TEX10: variants seen among roughly 807,000 people sequenced by gnomAD.
The protein encoded by TEX10 is testis-expressed protein 10.
A neutral mutation model predicts 104.4 loss-of-function variants in TEX10; 24 were observed. That is an observed-to-expected ratio of 0.23 (90% CI 0.17 to 0.32). The LOEUF (loss-of-function observed/expected upper bound fraction) is 0.32. TEX10 is among the 10% of genes least tolerant of loss of function. The probability of loss-of-function intolerance (pLI) is 1.00; values close to 1 mark genes in which losing one functional copy is unlikely to be tolerated. For missense variants in TEX10, 921 were observed against 1,083.9 expected (o/e 0.85, Z 2.11); for synonymous variants, 396 against 393.4 (o/e 1.01, Z -0.08).
intron 1 of TEX10, 91 bp from the exon 2 acceptor site, chr9:100,349,463 T>A (rs1161514270): frequency 1.4e-6 from 1 of 719,072 alleles, no homozygotes; most frequent in East Asian, 3.1e-5. Flanking sequence ...ACTGTAACAT[T>A]TATTTCAATC....
chr9:100,314,196 T>G (rs1486479081), intron 11 of TEX10, among the ~76,000 whole-genome samples: 5 of 151,432 alleles, frequency 3.3e-5, no homozygotes, highest in African/African-American at 1.2e-4. Context: ...TAAGCAATTC[T>G]CCTGCCTCAG....
intron 11 of TEX10, among the ~76,000 whole-genome samples, chr9:100,313,926 C>T (rs12005177): frequency 0.1 from 15,797 of 151,546 alleles, 1,039 homozygotes; most frequent in Non-Finnish European, 0.15. Flanking sequence ...TTTGGTATCA[C>T]GTGATACTGG....
chr9:100,339,773 A>AC (rs1835125294), intron 5 of TEX10, among the ~76,000 whole-genome samples: 1 of 150,346 alleles, frequency 6.7e-6, no homozygotes, highest in African/African-American at 2.4e-5. Flanking sequence ...TTCTAGGCTT[A>AC]CTTTTTTTTT....
intron 11 of TEX10, among the ~76,000 whole-genome samples, chr9:100,313,522 AAAAAAG>A (rs532769922): frequency 9.9e-4 from 150 of 151,650 alleles, no homozygotes; most frequent in South Asian, 2.9e-3. Context: ...TCAAAAAAAA[AAAAAAG>A]AAAAAGAAAA....
Position 100,346,765 on chromosome 9 carries a change from G to A in TEX10, c.822C>T (p.Asn274=), listed in dbSNP as rs370814812. The A allele has an allele frequency of 1.9e-6, 3 of 1,614,172 alleles. No homozygotes were observed. Among genetic ancestry groups the A allele is most frequent in the Non-Finnish European group, 2.5e-6 (3 of 1,180,018 alleles). The change falls in exon 3 of 15, where the codon AAC becomes AAT. Residue 274 remains asparagine (N), a synonymous_variant. Coordinates refer to ENST00000374902, the MANE Select transcript of TEX10 (RefSeq NM_017746.4). ...CATAAACCTGGATGTGTTGCTGGTC[G>A]TTGGCATGTTCCTTCCAGTTGATAA... ...SIFINWKEHA[N]DQQHIQVYEN...
intron 4 of TEX10, among the ~76,000 whole-genome samples, chr9:100,340,795 T>C (rs968440207): frequency 1.3e-5 from 2 of 152,222 alleles, no homozygotes; most frequent in Admixed American, 6.5e-5. Flanking sequence ...TTCAGTAGTA[T>C]TGGTGAATTT....
intron 11 of TEX10, among the ~76,000 whole-genome samples, chr9:100,313,000 A>G (rs1834316714): frequency 6.6e-6 from 1 of 152,222 alleles, no homozygotes; most frequent in Non-Finnish European, 1.5e-5. Flanking sequence ...TCAAAATAAA[A>G]TGAATTTATC....
In TEX10 at chr9:100,315,906, C is replaced by A. The variant is rs527459571; in HGVS notation, c.2202+4359G>T. Among the ~76,000 whole-genome samples the A allele has an allele frequency of 1.4e-4, 21 of 152,260 alleles. No individual in the cohort carries two copies. The South Asian group carries it at 4.1e-3, about 30-fold the overall frequency. ...AAGTCCTTTCTGCAATGTATTCTCC[C>A]GAAGACTGCTAGGCCTTCTGTATCT... On this transcript the variant is annotated intron_variant, in intron 11 of 14. Transcript: ENST00000374902.
intron 11 of TEX10, among the ~76,000 whole-genome samples, chr9:100,310,852 T>A (rs966462304): frequency 6.6e-6 from 1 of 152,176 alleles, no homozygotes; most frequent in African/African-American, 2.4e-5. Context: ...ATGGCCTAAT[T>A]TTCCAAATAA....
At chr9:100,333,788 T>C (rs1462396742) in intron 5 of TEX10, among the ~76,000 whole-genome samples, 1 of 152,050 alleles carries the variant, frequency 6.6e-6, no homozygotes, top group African/African-American at 2.4e-5. Flanking sequence ...CATAAATTAA[T>C]GGAACACAGT....
intron 12 of TEX10, among the ~76,000 whole-genome samples, chr9:100,309,039 T>G (rs1459021525): frequency 6.6e-6 from 1 of 152,206 alleles, no homozygotes; most frequent in Middle Eastern, 3.2e-3. Flanking sequence ...ACAATCATAC[T>G]TAAAAATTTT....
At position 100,340,264 on chromosome 9, in the gene TEX10, T is replaced by G. The variant is rs1177000162; in HGVS notation, c.1243A>C (p.Asn415His). Residue 415 changes from asparagine (N) to histidine (H), a missense_variant, in exon 5 of 15, where the codon AAT (asparagine) becomes CAT (histidine). By Grantham distance (68) the Asn-to-His change is moderately conservative (BLOSUM62 1). Around this residue, in one of 3 missense-constraint regions of TEX10, gnomAD observed 753 missense variants for 868.4 expected, o/e 0.87. Transcript: ENST00000374902. ...GAAAAAGAATCATAATACCTTTTAT[T>G]TGGCTCTTTCCTTTTGTGCTTGGTT... ...EITKHKRKEP[N>H]KSIKHCTVLS... is the part of the protein sequence containing the mutation. The G allele has an allele frequency of 5.8e-6, 9 of 1,549,088 alleles. No individual in the cohort carries two copies. Among genetic ancestry groups the G allele is most frequent in the Non-Finnish European group, 5.2e-6 (6 of 1,152,998 alleles).
At chr9:100,324,913 T>C (rs1834664343) in intron 9 of TEX10, among the ~76,000 whole-genome samples, 1 of 152,186 alleles carries the variant, frequency 6.6e-6, no homozygotes, top group African/African-American at 2.4e-5. Context: ...TGCAGTTTTT[T>C]AATATCTAAA....
chr9:100,338,807 G>A (rs573329818), intron 5 of TEX10, among the ~76,000 whole-genome samples: 12 of 150,800 alleles, frequency 8.0e-5, no homozygotes, highest in East Asian at 2.0e-4. Context: ...CAGGAGAATC[G>A]CTTGAACCTG....
At position 100,327,840 on chromosome 9, in the gene TEX10, C is replaced by T. The variant is rs370862568; in HGVS notation, c.1748G>A (p.Arg583Gln). The T allele has an allele frequency of 3.8e-5, 60 of 1,597,746 alleles. No homozygotes were observed. Among genetic ancestry groups the T allele is most frequent in the Non-Finnish European group, 4.9e-5 (57 of 1,169,144 alleles). The change falls in exon 8 of 15, where the codon CGA becomes CAA. Residue 583 changes from arginine (R) to glutamine (Q), a missense_variant. Arg to Gln is a conservative substitution (Grantham distance 43). Transcript: ENST00000374902. The stretch of plus-strand genomic sequence containing the variant: ...ACTTTTTAGTAATTCTTTATTTGCT[C>T]GTGCTGCAGCGGTATGAATGATATC... ...LIDIIHTAAA[R>Q]ANKELLKSLQ...
intron 1 of TEX10, chr9:100,352,283 G>C: frequency 7.0e-7 from 1 of 1,431,070 alleles, no homozygotes; most frequent in Non-Finnish European, 9.6e-7. Flanking sequence ...GCCCAGGCAG[G>C]GGCGACCCCA....
chr9:100,346,694 C>T lies in TEX10; in HGVS notation c.893G>A (p.Arg298Gln), dbSNP rs374526375. 6.2e-7 allele frequency: 1 copy of T among 1,605,264 alleles called. No individual in the cohort carries two copies. ...TGGACATAACTGAAATCCTTCTTAC[C>T]GTAGCCTGAACTGTGAACTGACATT... is the stretch of plus-strand genomic sequence containing the variant. ...QPNVSSQFRL[R>Q]YLVGGLSGVD... The change falls in exon 3 of 15, where the codon CGG becomes CAG. Residue 298 changes from arginine (R) to glutamine (Q), a missense_variant and splice_region_variant. Physicochemically the swap from Arg to Gln is conservative, Grantham distance 43. Around this residue, in one of 3 missense-constraint regions of TEX10, gnomAD observed 753 missense variants for 868.4 expected, o/e 0.87. Coordinates refer to ENST00000374902, the MANE Select transcript of TEX10 (RefSeq NM_017746.4).
chr9:100,313,824 G>A (rs1203992430), intron 11 of TEX10, among the ~76,000 whole-genome samples: 5 of 147,146 alleles, frequency 3.4e-5, no homozygotes, highest in African/African-American at 5.0e-5. Flanking sequence ...CGGCTTGGGC[G>A]ACAGAGTGAA....
At chr9:100,329,373 T>G in intron 6 of TEX10, 98 bp from the exon 7 acceptor site, 1 of 1,431,478 alleles carries the variant, frequency 7.0e-7, no homozygotes, top group Non-Finnish European at 9.4e-7. Context: ...TTTCTTCCTA[T>G]GGCAAAGCCA....
Sources: gnomAD v4.1 joint callset for allele counts (sites outside exome capture counted in the v4.1 genomes callset) on GRCh38, gnomAD v4.1.1 for gene constraint, gnomAD v4.1.1 regional missense constraint, MANE v1.5 for transcripts, NCBI Gene and HGNC (gene_info 2026-07-23, HGNC 2026-07-21) for gene names.